TMEM231: variants seen among roughly 807,000 people sequenced by gnomAD.
TMEM231 encodes the protein transmembrane protein 231.
In TMEM231, 40 loss-of-function variants were observed where a neutral mutation model predicts 38.5. That is an observed-to-expected ratio of 1.04 (90% CI 0.81 to 1.35). The LOEUF is 1.35. Ranked by LOEUF, TMEM231 falls within the 40% of genes most tolerant of loss-of-function variation. The pLI, the probability that TMEM231 is intolerant of heterozygous loss-of-function variation, is 0.00. For missense variants in TMEM231, 420 were observed against 416.9 expected, an observed-to-expected ratio of 1.01 and a Z score of -0.07; for synonymous variants, 199 against 181.7, an observed-to-expected ratio of 1.10 and a Z score of -0.77.
chr16:75,551,264 C>T (rs2080757785), intron 2 of TMEM231, among the ~76,000 whole-genome samples: 1 of 152,164 alleles, frequency 6.6e-6, no homozygotes, highest in Admixed American at 6.5e-5. Context: ...GTGGCACGAT[C>T]ACAGCTCATT....
At chr16:75,542,901 C>T (rs961155732) in intron 4 of TMEM231, among the ~76,000 whole-genome samples, 2 of 152,112 alleles carry the variant, frequency 1.3e-5, no homozygotes, top group African/African-American at 4.8e-5. Context: ...TGGCCTACTG[C>T]AGTATCAATA....
At chr16:75,545,147 G>A (rs60530589) in intron 4 of TMEM231, among the ~76,000 whole-genome samples, 1 of 151,460 alleles carries the variant, frequency 6.6e-6, no homozygotes. Flanking sequence ...GTAGAGACAG[G>A]GTTTCACCAG....
chr16:75,540,831 A>G (rs4149501), intron 6 of TMEM231, among the ~76,000 whole-genome samples: 25,496 of 152,184 alleles, frequency 0.17, 2,280 homozygotes, highest in Middle Eastern at 0.22. Flanking sequence ...TTGTTCCTAT[A>G]TGAATAGCAG....
At chr16:75,544,467 G>C (rs1295084354) in intron 4 of TMEM231, among the ~76,000 whole-genome samples, 1 of 152,130 alleles carries the variant, frequency 6.6e-6, no homozygotes, top group Non-Finnish European at 1.5e-5. Flanking sequence ...ACAGCAAAAA[G>C]GCCAGGGGGG....
intron 4 of TMEM231, among the ~76,000 whole-genome samples, chr16:75,542,912 A>G (rs1304664923): frequency 6.6e-6 from 1 of 152,152 alleles, no homozygotes; most frequent in Non-Finnish European, 1.5e-5. Flanking sequence ...AGTATCAATA[A>G]TCTTCTCTTC....
chr16:75,545,686 T>C (rs2080681136), intron 3 of TMEM231, 140 bp downstream of exon 3: 1 of 562,200 alleles, frequency 1.8e-6, no homozygotes, highest in East Asian at 3.1e-5. Context: ...GTGAAAACCA[T>C]TCCATTGGCC....
Position 75,538,143 on chromosome 16 carries a change from A to G in TMEM231, c.*1851T>C, listed in dbSNP as rs148072778. On this transcript the variant is annotated 3_prime_UTR_variant, in exon 7 of 7. Coordinates refer to ENST00000258173, the MANE Select transcript of TMEM231 (RefSeq NM_001077418.3). ...TCCATTTTGACTTTTTTATTTATTTATTTATTTATTTTAACAGATAGGGTC... is the reference window on the plus strand; with the variant it reads ...TCCATTTTGACTTTTTTATTTATTTGTTTATTTATTTTAACAGATAGGGTC... 1 of 151,970 alleles carries G rather than the reference A, an allele frequency of 6.6e-6. No individual in the cohort carries two copies. The highest frequency in any genetic ancestry group is 2.4e-5 in the African/African-American group (1 of 41,450). 9.4% of individuals were successfully genotyped at this position (151,970 alleles called of 1,614,324 possible).
At chr16:75,546,685 C>T (rs1024982369) in intron 2 of TMEM231, among the ~76,000 whole-genome samples, 99 of 152,248 alleles carry the variant, frequency 6.5e-4, no homozygotes, top group African/African-American at 2.2e-3. Context: ...TCGGGTGATC[C>T]GCCCACCTCA....
At chr16:75,549,368 C>G (rs898275437) in intron 2 of TMEM231, among the ~76,000 whole-genome samples, 11 of 152,194 alleles carry the variant, frequency 7.2e-5, no homozygotes, top group African/African-American at 2.7e-4. Flanking sequence ...ACATATCACA[C>G]CACCACCTTA....
intron 4 of TMEM231, among the ~76,000 whole-genome samples, chr16:75,543,766 T>C (rs928144499): frequency 1.3e-5 from 2 of 152,232 alleles, no homozygotes; most frequent in African/African-American, 2.4e-5. Flanking sequence ...TTGCTGTTAA[T>C]GTAATCTGAT....
In TMEM231 at chr16:75,542,663, G is replaced by A. The variant is rs1030482973; in HGVS notation, c.603C>T (p.Thr201=). ...GGTCGTAGTCATAGGCAAAGGGGCTGGTCCCGTTGATCACGGATATCTGGG... is the reference window on the plus strand; with the variant it reads ...GGTCGTAGTCATAGGCAAAGGGGCTAGTCCCGTTGATCACGGATATCTGGG... ...ARYNISVING[T]SPFAYDYDLT... is the part of the protein sequence containing the mutation. The change falls in exon 5 of 7, where the codon ACC becomes ACT. Residue 201 remains threonine, a synonymous_variant. Coordinates refer to ENST00000258173, the MANE Select transcript of TMEM231 (RefSeq NM_001077418.3). 4 of 1,613,874 alleles carry A rather than the reference G, an allele frequency of 2.5e-6. No homozygotes were observed. The highest frequency in any genetic ancestry group is 2.5e-6 in the Non-Finnish European group (3 of 1,179,848).
At chr16:75,545,264 A>C in intron 4 of TMEM231, 88 bp downstream of exon 4, 2 of 1,531,690 alleles carry the variant, frequency 1.3e-6, no homozygotes, top group South Asian at 2.5e-5. Flanking sequence ...CTGGCCTGAC[A>C]TTTCTACTTT....
chr16:75,539,658 C>G lies in TMEM231; in HGVS notation c.*336G>C. On this transcript the variant is annotated 3_prime_UTR_variant, in exon 7 of 7. Transcript: ENST00000258173. ...TTCCTCAGTTCAACAGAGGAAAAGT[C>G]TCTGCTTGACCAGAGATGGGACTCT... 5.1e-6 allele frequency: 1 copy of G among 197,150 alleles called. No individual in the cohort carries two copies. Among genetic ancestry groups the G allele is most frequent in the East Asian group, 1.3e-4 (1 of 7,646 alleles). The allele number at this position is 197,150 out of a possible 1,614,324, so 12.2% of individuals were successfully genotyped here.
intron 6 of TMEM231, among the ~76,000 whole-genome samples, chr16:75,540,936 C>T (rs1331284397): frequency 6.6e-6 from 1 of 152,146 alleles, no homozygotes; most frequent in Non-Finnish European, 1.5e-5. Context: ...CAAGAGAAAA[C>T]CTCCCACGTC....
intron 2 of TMEM231, among the ~76,000 whole-genome samples, chr16:75,552,030 C>G (rs2080768359): frequency 1.3e-5 from 2 of 151,816 alleles, no homozygotes; most frequent in South Asian, 4.2e-4. Context: ...ATTCCTAAAA[C>G]TTCTTTACAT....
At chr16:75,549,662 G>A (rs1285243184) in intron 2 of TMEM231, among the ~76,000 whole-genome samples, 1 of 152,108 alleles carries the variant, frequency 6.6e-6, no homozygotes, top group Non-Finnish European at 1.5e-5. Context: ...ACCCTTTAGA[G>A]ATACACATGA....
chr16:75,552,195 T>C (rs2080770552), intron 2 of TMEM231, among the ~76,000 whole-genome samples: 1 of 152,260 alleles, frequency 6.6e-6, no homozygotes, highest in South Asian at 2.1e-4. Flanking sequence ...GGCTCATGCC[T>C]ATAGTCCCAG....
At chr16:75,552,493 C>G (rs1567439538) in intron 2 of TMEM231, among the ~76,000 whole-genome samples, 3 of 152,110 alleles carry the variant, frequency 2.0e-5, no homozygotes, top group Admixed American at 6.6e-5. Context: ...ATAAAAGAAA[C>G]TAAAAGCCAT....
rs2080624904 is a variant in TMEM231 at position 75,541,282 on chromosome 16, A to G, written c.770+68T>C. On this transcript the variant is annotated intron_variant, in intron 6 of 6. Transcript: ENST00000258173. ...TGATCCTCCCACCTTGGCCTCCCAAAGTGCTGAAATTATAGGCAGGAGCCA... is the reference window on the plus strand; with the variant it reads ...TGATCCTCCCACCTTGGCCTCCCAAGGTGCTGAAATTATAGGCAGGAGCCA... 4.1e-6 allele frequency: 5 copies of G among 1,221,136 alleles called. No homozygotes were observed. The South Asian group carries it at 8.3e-5, about 20-fold the overall frequency. 75.6% of individuals were successfully genotyped at this position (1,221,136 alleles called of 1,614,324 possible).
Sources: allele counts gnomAD v4.1 joint callset (sites outside exome capture counted in the v4.1 genomes callset), GRCh38; gene constraint gnomAD v4.1.1; transcripts MANE v1.5; gene names NCBI Gene and HGNC (gene_info 2026-07-23, HGNC 2026-07-21).